Variants in USPL1 observed in about 807,000 individuals in gnomAD.
USPL1 encodes the protein ubiquitin specific peptidase like 1, also known as SUMO-specific isopeptidase USPL1.
A neutral mutation model predicts 51.5 loss-of-function variants in USPL1; 27 were observed. The ratio of observed to expected loss-of-function variants is 0.52; its 90% CI spans 0.39 to 0.72. USPL1 has a LOEUF of 0.72. USPL1 is among the 30% of genes least tolerant of loss of function. The pLI, the probability that USPL1 is intolerant of heterozygous loss-of-function variation, is 0.00. For missense variants in USPL1, 1,226 were observed against 1,268.0 expected (o/e 0.97, Z 0.50); for synonymous variants, 451 against 459.6 (o/e 0.98, Z 0.24).
At position 30,631,371 on chromosome 13, in the gene USPL1, G is replaced by A; in HGVS notation, c.765G>A (p.Val255=). 1 of 1,614,222 alleles carries A rather than the reference G, an allele frequency of 6.2e-7. No homozygotes were observed. The highest frequency in any genetic ancestry group is 8.5e-7 in the Non-Finnish European group (1 of 1,180,044). The change falls in exon 4 of 9, where the codon GTG becomes GTA. Residue 255 remains valine, a synonymous_variant. Transcript: ENST00000255304. Reference sequence around the variant, plus strand: ...ACTCGGAAGAGTTAAAGAACACCGTGACTGGACTGTGCTCGAAGGAGGAAT... The same window carrying A: ...ACTCGGAAGAGTTAAAGAACACCGTAACTGGACTGTGCTCGAAGGAGGAAT... ...LVHSEELKNT[V]TGLCSKEESI...
chr13:30,618,998 T>C lies in USPL1; in HGVS notation c.-69+942T>C, dbSNP rs533097806. ...GATTTGAGACCTTTCCAAAGAACTG[T>C]CCACAGAATTTGGTGACTTACTGTG... On this transcript the variant is annotated intron_variant, in intron 1 of 8. Transcript: ENST00000255304. Among the ~76,000 whole-genome samples, 20 of 152,230 alleles carry C rather than the reference T, an allele frequency of 1.3e-4. No homozygotes were observed. The East Asian group carries it at 3.9e-3, about 29-fold the overall frequency.
Position 30,657,716 on chromosome 13 carries a change from G to C in USPL1, c.1639G>C (p.Val547Leu). The change falls in exon 9 of 9, where the codon GTA becomes CTA. Residue 547 changes from valine (V) to leucine (L), a missense_variant. Physicochemically the swap from Val to Leu is conservative, Grantham distance 32. Coordinates refer to ENST00000255304, the MANE Select transcript of USPL1 (RefSeq NM_005800.5). ...TGCTGCCTCAGCTGAAACAGCCTCA[G>C]TAACTCACCCTAAAGATATATCAGT... ...GDAASAETAS[V>L]THPKDISVAP... 6.2e-7 allele frequency: 1 copy of C among 1,614,170 alleles called. No individual in the cohort carries two copies. The highest frequency in any genetic ancestry group is 1.3e-5 in the African/African-American group (1 of 75,048).
intron 1 of USPL1, among the ~76,000 whole-genome samples, chr13:30,620,824 A>G (rs1950637213): frequency 6.6e-6 from 1 of 152,174 alleles, no homozygotes; most frequent in Admixed American, 6.5e-5. Context: ...AGTTTTATTT[A>G]ATTTGTTGAC....
intron 3 of USPL1, among the ~76,000 whole-genome samples, chr13:30,627,070 T>G (rs962810604): frequency 2.6e-5 from 4 of 152,144 alleles, no homozygotes; most frequent in African/African-American, 9.7e-5. Context: ...AGGAATTTAC[T>G]TAAGCTGCTC....
intron 6 of USPL1, among the ~76,000 whole-genome samples, chr13:30,645,988 CA>C (rs1179904179): frequency 6.6e-6 from 1 of 152,216 alleles, no homozygotes; most frequent in Non-Finnish European, 1.5e-5. Context: ...GGAGCCTTTA[CA>C]TAACAATTAT....
Position 30,621,207 on chromosome 13 carries a change from T to C in USPL1, c.67T>C (p.Ser23Pro), listed in dbSNP as rs1303674910. 6.2e-7 allele frequency: 1 copy of C among 1,602,174 alleles called. No homozygotes were observed. The highest frequency in any genetic ancestry group is 2.3e-5 in the East Asian group (1 of 44,072). ...TGGACCAGGGACTGATATAGGGATA[T>C]CTTCACTCCACATGGTGGGGTATTT... ...VIGPGTDIGI[S>P]SLHMVGYLGK... Residue 23 changes from serine to proline, a missense_variant, in exon 2 of 9, where the codon TCT becomes CCT. By Grantham distance (74) the Ser-to-Pro change is moderately conservative. Coordinates refer to ENST00000255304, the MANE Select transcript of USPL1 (RefSeq NM_005800.5).
In USPL1 at chr13:30,642,701, A is replaced by G. The variant is rs375560596; in HGVS notation, c.1056A>G (p.Leu352=). Residue 352 remains leucine, a synonymous_variant, in exon 6 of 9, where the codon CTA becomes CTG. Transcript: ENST00000255304. ...AAACCCACATTGAAAAGCTCTTCCT[A>G]TATTCTTTTTCTTGGGACTTTGAAT... The part of the protein sequence containing the change: ...KLETHIEKLF[L]YSFSWDFECS... The G allele has an allele frequency of 7.9e-5, 128 of 1,613,700 alleles. No homozygotes were observed. Among genetic ancestry groups the G allele is most frequent in the Middle Eastern group, 1.6e-4 (1 of 6,078 alleles).
intron 5 of USPL1, 85 bp downstream of exon 5, chr13:30,637,942 A>G (rs1950897677): frequency 9.7e-7 from 1 of 1,032,968 alleles, no homozygotes; most frequent in Admixed American, 2.1e-5. Context: ...ATACTGTTTG[A>G]TTACCTTGGA....
intron 7 of USPL1, 64 bp from the exon 8 acceptor site, chr13:30,653,084 C>G (rs922953195): frequency 1.4e-6 from 2 of 1,475,492 alleles, no homozygotes; most frequent in African/African-American, 2.8e-5. Flanking sequence ...CTTCAGACAT[C>G]TTTTGTATAA....
chr13:30,646,376 A>G (rs1010750177), intron 6 of USPL1, among the ~76,000 whole-genome samples: 2 of 152,182 alleles, frequency 1.3e-5, no homozygotes, highest in African/African-American at 4.8e-5. Context: ...AAGGATTAAA[A>G]AAAGTTAAGT....
At chr13:30,626,810 G>A (rs1055234696) in intron 3 of USPL1, among the ~76,000 whole-genome samples, 2 of 151,372 alleles carry the variant, frequency 1.3e-5, no homozygotes, top group Non-Finnish European at 2.9e-5. Context: ...TTTTCGTGGA[G>A]TAGTCTATCA....
intron 5 of USPL1, among the ~76,000 whole-genome samples, chr13:30,638,377 CT>C (rs1566052845): frequency 6.6e-6 from 1 of 152,012 alleles, no homozygotes; most frequent in African/African-American, 2.4e-5. Flanking sequence ...TAGGAATGTC[CT>C]TGTGGTAGAG....
chr13:30,638,781 A>G (rs1372443036), intron 5 of USPL1, among the ~76,000 whole-genome samples: 4 of 151,102 alleles, frequency 2.6e-5, no homozygotes, highest in African/African-American at 7.3e-5. Context: ...TTAAAAAATG[A>G]TATTTATATT....
At chr13:30,647,630 TC>T (rs1324357379) in intron 7 of USPL1, among the ~76,000 whole-genome samples, 7 of 152,174 alleles carry the variant, frequency 4.6e-5, no homozygotes, top group African/African-American at 1.7e-4. Context: ...AACTCACAGG[TC>T]AGTTCCATCT....
At chr13:30,644,869 C>T (rs1950997207) in intron 6 of USPL1, among the ~76,000 whole-genome samples, 6 of 152,142 alleles carry the variant, frequency 3.9e-5, no homozygotes, top group Admixed American at 6.5e-5. Flanking sequence ...TGAGAATTAA[C>T]GTTTTATTCA....
At chr13:30,653,798 C>T (rs1003958798) in intron 8 of USPL1, among the ~76,000 whole-genome samples, 1 of 152,024 alleles carries the variant, frequency 6.6e-6, no homozygotes, top group African/African-American at 2.4e-5. Context: ...GAATTTTTGC[C>T]TTGCATTTGT....
intron 6 of USPL1, among the ~76,000 whole-genome samples, chr13:30,643,269 T>C (rs1950972477): frequency 6.6e-6 from 1 of 152,186 alleles, no homozygotes. Flanking sequence ...AAGGCCATGA[T>C]CGATGTACCT....
chr13:30,650,863 G>A (rs529240093), intron 7 of USPL1, among the ~76,000 whole-genome samples: 5 of 152,112 alleles, frequency 3.3e-5, no homozygotes, highest in African/African-American at 7.2e-5. Flanking sequence ...GGTGGCATGC[G>A]CCTGTAGTCC....
Position 30,657,947 on chromosome 13 carries a change from A to G in USPL1, c.1870A>G (p.Thr624Ala), listed in dbSNP as rs776340758. Residue 624 changes from threonine (T) to alanine (A), a missense_variant, in exon 9 of 9, where the codon ACT becomes GCT. By Grantham distance (58) the Thr-to-Ala change is moderately conservative (BLOSUM62 0). Transcript: ENST00000255304. ...AENTGILKTN[T>A]LLSQESLMAS... ...AAATACAGGAATTCTCAAAACCAAT[A>G]CTTTGCTATCACAAGAATCACTAAT... is the stretch of plus-strand genomic sequence containing the variant. 7 of 1,613,738 alleles carry G rather than the reference A, an allele frequency of 4.3e-6. No individual in the cohort carries two copies. The East Asian group carries it at 1.6e-4, about 36-fold the overall frequency.
Sources: gnomAD v4.1 joint callset for allele counts (sites outside exome capture counted in the v4.1 genomes callset) on GRCh38, gnomAD v4.1.1 for gene constraint, MANE v1.5 for transcripts, NCBI Gene and HGNC (gene_info 2026-07-23, HGNC 2026-07-21) for gene names.